The following NMT2 variants were observed in gnomAD, a reference collection of about 807,000 sequenced individuals.
NMT2 encodes N-myristoyltransferase 2.
A neutral mutation model predicts 65.4 loss-of-function variants in NMT2; 35 were observed. The observed-to-expected ratio is 0.54, with a 90% CI of 0.41 to 0.71. The LOEUF (loss-of-function observed/expected upper bound fraction) is 0.71. Among genes scored for constraint, NMT2 ranks in the 30% least tolerant of loss-of-function variants. The pLI, the probability that NMT2 is intolerant of heterozygous loss-of-function variation, is 0.00. For synonymous variants in NMT2, 226 were observed against 231.8 expected (o/e 0.98, Z 0.23); for missense variants, 489 against 611.3 (o/e 0.80, Z 2.11).
At position 15,108,132 on chromosome 10, in the gene NMT2, A is replaced by C; in HGVS notation, c.*1063T>G. ...TATATCCTTGATGTTGCTGAGAAGA[A>C]ACTGAACTTTGCACAACAGCAGAAA... On this transcript the variant is annotated 3_prime_UTR_variant, in exon 12 of 12. Transcript: ENST00000378165. 3 of 984,560 alleles carry C rather than the reference A, an allele frequency of 3.0e-6. No homozygotes were observed. The highest frequency in any genetic ancestry group is 3.6e-6 in the Non-Finnish European group (3 of 829,802). The allele number at this position is 984,560 out of a possible 1,614,324, so 61.0% of individuals were successfully genotyped here.
In NMT2 at chr10:15,107,956, A is replaced by G; in HGVS notation, c.*1239T>C. ...AAGACATTTTCCATTAGCATGACAC[A>G]TGACAGTTTTCATGATAAAATCAGC... On this transcript the variant is annotated 3_prime_UTR_variant, in exon 12 of 12. Transcript: ENST00000378165. 1.0e-6 allele frequency: 1 copy of G among 985,410 alleles called. No homozygotes were observed. Among genetic ancestry groups the G allele is most frequent in the Non-Finnish European group, 1.2e-6 (1 of 829,514 alleles). The allele number at this position is 985,410 out of a possible 1,614,324, so 61.0% of individuals were successfully genotyped here. A position where few individuals can be genotyped will look rare whatever the true frequency, so the allele number is the denominator to read the frequency against.
intron 11 of NMT2, 110 bp from the exon 12 acceptor site, chr10:15,109,325 G>C: frequency 2.2e-6 from 3 of 1,356,860 alleles, no homozygotes; most frequent in Non-Finnish European, 3.0e-6. Flanking sequence ...CTGTAATCCC[G>C]GCACTTTGGG....
At chr10:15,159,680 G>A (rs2131627559) in intron 1 of NMT2, among the ~76,000 whole-genome samples, 1 of 152,190 alleles carries the variant, frequency 6.6e-6, no homozygotes, top group South Asian at 2.1e-4. Context: ...CACCCGCCTC[G>A]GCCTCCCAAA....
Position 15,108,537 on chromosome 10 carries a change from A to C in NMT2, c.*658T>G. ...TGCTTGCACAAAACTCTGCTTTTGA[A>C]GCAATCCACTGACCTGGTAAAGATC... is the stretch of plus-strand genomic sequence containing the variant. On this transcript the variant is annotated 3_prime_UTR_variant, in exon 12 of 12. Transcript: ENST00000378165. 1.0e-6 allele frequency: 1 copy of C among 985,764 alleles called. No homozygotes were observed. The highest frequency in any genetic ancestry group is 4.7e-5 in the South Asian group (1 of 21,304). 61.1% of individuals were successfully genotyped at this position (985,764 alleles called of 1,614,324 possible).
intron 11 of NMT2, 116 bp downstream of exon 11, chr10:15,109,581 ATAAAT>A: frequency 1.3e-6 from 1 of 794,802 alleles, no homozygotes; most frequent in South Asian, 3.7e-5. Context: ...AAAAAAATAA[ATAAAT>A]AAATAAATAA....
intron 6 of NMT2, 115 bp downstream of exon 6, chr10:15,132,702 A>T: frequency 2.9e-6 from 2 of 692,808 alleles, no homozygotes; most frequent in East Asian, 2.7e-5. Context: ...TGCTGGGATT[A>T]GAGGTGTGAG....
chr10:15,148,416 G>C (rs571084365), intron 1 of NMT2, among the ~76,000 whole-genome samples: 1 of 152,188 alleles, frequency 6.6e-6, no homozygotes, highest in Non-Finnish European at 1.5e-5. Context: ...AGGAAGCTGA[G>C]GTGGGAGGAT....
chr10:15,127,559 A>AAAAAAAT (rs1846124388), intron 8 of NMT2, among the ~76,000 whole-genome samples: 4 of 98,136 alleles, frequency 4.1e-5, no homozygotes, highest in African/African-American at 3.5e-4. Flanking sequence ...AAAAAAAAAA[A>AAAAAAAT]AAAAAAAAAA....
Position 15,112,954 on chromosome 10 carries a change from C to T in NMT2, c.1180G>A (p.Gly394Ser), listed in dbSNP as rs201047504. The change falls in exon 10 of 12, where the codon GGT (glycine) becomes AGT (serine). Residue 394 changes from glycine to serine, a missense_variant. By Grantham distance (56) the Gly-to-Ser change is moderately conservative (BLOSUM62 0). Transcript: ENST00000378165. ...IDTFVVESPN[G>S]KLTDFLSFYT... ...AAGCTCAGGAAATCAGTCAGTTTAC[C>T]GTTGGGGCTCTAGGAGCAAAAGTGC... is the stretch of plus-strand genomic sequence containing the variant. The T allele has an allele frequency of 1.9e-5, 31 of 1,613,908 alleles. No individual in the cohort carries two copies. The Admixed American group carries it at 3.2e-4, about 16-fold the overall frequency.
chr10:15,166,119 A>C (rs1833370928), intron 1 of NMT2, among the ~76,000 whole-genome samples: 1 of 152,182 alleles, frequency 6.6e-6, no homozygotes, highest in South Asian at 2.1e-4. Flanking sequence ...TTTTGGTGCA[A>C]AACAAGACTC....
chr10:15,130,703 C>CAAAAAAAAAAA (rs974360507), intron 6 of NMT2, among the ~76,000 whole-genome samples: 3 of 28,620 alleles, frequency 1.0e-4, no homozygotes, highest in Admixed American at 8.6e-4. Context: ...GGCCCTGTCT[C>CAAAAAAAAAAA]AAAAAAAAAA....
chr10:15,141,431 C>G lies in NMT2; in HGVS notation c.237G>C (p.Gln79His), dbSNP rs766180475. 6.2e-7 allele frequency: 1 copy of G among 1,613,988 alleles called. No individual in the cohort carries two copies. The highest frequency in any genetic ancestry group is 1.3e-5 in the African/African-American group (1 of 74,922). The change falls in exon 2 of 12, where the codon CAG (glutamine) becomes CAC (histidine). Residue 79 changes from glutamine (Q) to histidine (H), a missense_variant. Gln to His is a conservative substitution (Grantham distance 24). Coordinates refer to ENST00000378165, the MANE Select transcript of NMT2 (RefSeq NM_004808.3). ...AAAACAGAGCTCTCACTTTCGAAGGCTGCTGAATTTTAATCTCCTGGGAAT... is the reference window on the plus strand; with the variant it reads ...AAAACAGAGCTCTCACTTTCGAAGGGTGCTGAATTTTAATCTCCTGGGAAT... ...ASDSQEIKIQ[Q>H]PSKNPSVPMQ... is the part of the protein sequence containing the mutation.
At chr10:15,164,730 A>G (rs745397186) in intron 1 of NMT2, among the ~76,000 whole-genome samples, 3 of 152,220 alleles carry the variant, frequency 2.0e-5, no homozygotes, top group South Asian at 2.1e-4. Flanking sequence ...TCCAACGGTG[A>G]AAGCTCCTAG....
chr10:15,145,051 T>A (rs898024885), intron 1 of NMT2, among the ~76,000 whole-genome samples: 1 of 152,080 alleles, frequency 6.6e-6, no homozygotes, highest in African/African-American at 2.4e-5. Context: ...ATCTATAGGA[T>A]GGATTATTCA....
Position 15,133,345 on chromosome 10 carries a change from T to C in NMT2, c.410A>G (p.His137Arg). The change falls in exon 4 of 12, where the codon CAT (histidine) becomes CGT (arginine). Residue 137 changes from histidine to arginine, a missense_variant. Transcript: ENST00000378165. ...GTCTTTATCTGGTTCAATTGCACCATGAGATGTTATGACTTCATCTGAACA... is the reference window on the plus strand; with the variant it reads ...GTCTTTATCTGGTTCAATTGCACCACGAGATGTTATGACTTCATCTGAACA... The part of the protein sequence containing the change: ...VPKLDEVITS[H>R]GAIEPDKDNV... 1.2e-6 allele frequency: 2 copies of C among 1,611,846 alleles called. No individual in the cohort carries two copies. The highest frequency in any genetic ancestry group is 1.7e-6 in the Non-Finnish European group (2 of 1,177,940).
chr10:15,110,736 G>A (rs1845484812), intron 10 of NMT2, among the ~76,000 whole-genome samples: 1 of 151,968 alleles, frequency 6.6e-6, no homozygotes, highest in Admixed American at 6.6e-5. Context: ...GGCTGTCACT[G>A]GCATAAAATT....
At chr10:15,112,191 TATATATATATATATATATATATATA>T (rs1344677495) in intron 10 of NMT2, among the ~76,000 whole-genome samples, 5 of 11,652 alleles carry the variant, frequency 4.3e-4, no homozygotes, top group Non-Finnish European at 6.4e-4. Context: ...TATATATATA[TATATATATATATATATATATATATA>T]TTTTTTTTTT....
chr10:15,106,060 TC>T lies in NMT2; in HGVS notation c.*3134del. 2.7e-6 allele frequency: 1 copy of T among 374,678 alleles called. No individual in the cohort carries two copies. The highest frequency in any genetic ancestry group is 1.9e-5 in the South Asian group (1 of 53,098). 23.2% of individuals were successfully genotyped at this position (374,678 alleles called of 1,614,324 possible). The stretch of plus-strand genomic sequence containing the variant: ...CCCAGGCTGGAGTGCAGTGGTGTGA[TC>T]CCGGCTCACTGCAACCCCGCCTCCT... On this transcript the variant is annotated 3_prime_UTR_variant, in exon 12 of 12. Coordinates refer to ENST00000378165, the MANE Select transcript of NMT2 (RefSeq NM_004808.3).
In NMT2 at chr10:15,115,925, G is replaced by A. The variant is rs112179567; in HGVS notation, c.1171-2962C>T. 1.5e-3 allele frequency among the ~76,000 whole-genome samples: 224 copies of A among 152,228 alleles called. 1 individual carries two copies. The highest frequency in any genetic ancestry group is 5.1e-3 in the African/African-American group (214 of 41,556). ...ATGTGAGTATCAAACAAGAGGCCCA[G>A]AAGAAATCAAGAAAAACTGACAGTG... On this transcript the variant is annotated intron_variant, in intron 9 of 11. Coordinates refer to ENST00000378165, the MANE Select transcript of NMT2 (RefSeq NM_004808.3).
Sources: allele counts gnomAD v4.1 joint callset (sites outside exome capture counted in the v4.1 genomes callset), GRCh38; gene constraint gnomAD v4.1.1; transcripts MANE v1.5; gene names NCBI Gene and HGNC (gene_info 2026-07-23, HGNC 2026-07-21).